Variants in B3GLCT observed in about 807,000 individuals in gnomAD.
The protein encoded by B3GLCT is beta-1,3-glucosyltransferase.
A neutral mutation model predicts 63.4 loss-of-function variants in B3GLCT; 65 were observed. The ratio of observed to expected loss-of-function variants is 1.03; its 90% confidence interval spans 0.84 to 1.26. The LOEUF is 1.26. Ranked by LOEUF, B3GLCT falls within the 50% of genes most tolerant of loss-of-function variation. The pLI is 0.00. For missense variants in B3GLCT, 577 were observed against 604.8 expected (o/e 0.95, Z 0.48); for synonymous variants, 233 against 219.2 (o/e 1.06, Z -0.55).
At chr13:31,310,773 A>T (rs569168778) in intron 12 of B3GLCT, among the ~76,000 whole-genome samples, 3 of 152,076 alleles carry the variant, frequency 2.0e-5, no homozygotes, top group Admixed American at 2.0e-4. Context: ...AAAGGGTAAC[A>T]CCCCTTGGGG....
chr13:31,258,527 A>AT, intron 6 of B3GLCT, among the ~76,000 whole-genome samples: 1 of 151,982 alleles, frequency 6.6e-6, no homozygotes, highest in Admixed American at 6.5e-5. Context: ...CACCTAAGAT[A>AT]TTTTTGCTGG....
intron 7 of B3GLCT, among the ~76,000 whole-genome samples, chr13:31,267,717 G>T (rs910772254): frequency 1.3e-5 from 2 of 152,132 alleles, no homozygotes; most frequent in African/African-American, 4.8e-5. Context: ...TCTGCTTTCT[G>T]TCTTCTTCTA....
At chr13:31,252,273 T>A (rs1223656596) in intron 6 of B3GLCT, among the ~76,000 whole-genome samples, 1 of 152,062 alleles carries the variant, frequency 6.6e-6, no homozygotes, top group Non-Finnish European at 1.5e-5. Flanking sequence ...CATACCAAAT[T>A]GTAAAGACCA....
chr13:31,216,125 G>A (rs1187864506), intron 2 of B3GLCT, among the ~76,000 whole-genome samples: 2 of 129,080 alleles, frequency 1.5e-5, no homozygotes, highest in Non-Finnish European at 3.4e-5. Flanking sequence ...TGGTGTAAAA[G>A]CATTTTTTTA....
chr13:31,210,610 CACCA>C (rs1869207036), intron 1 of B3GLCT, among the ~76,000 whole-genome samples: 1 of 152,202 alleles, frequency 6.6e-6, no homozygotes, highest in African/African-American at 2.4e-5. Context: ...CATCTCTTTG[CACCA>C]TCTCTCTTTC....
rs570983707 is a variant in B3GLCT at position 31,211,529 on chromosome 13, A to G, written c.71-3522A>G. On this transcript the variant is annotated intron_variant, in intron 1 of 14. Transcript: ENST00000343307. ...TATTATAATTTGTATCTATCATGGG[A>G]AAAAGGTATTTTAAATTTCACAGCA... Among the ~76,000 whole-genome samples, 22 of 152,054 alleles carry G rather than the reference A, an allele frequency of 1.4e-4. No homozygotes were observed. The East Asian group carries it at 3.3e-3, about 23-fold the overall frequency.
chr13:31,253,934 GA>G (rs1019038670), intron 6 of B3GLCT, among the ~76,000 whole-genome samples: 1 of 152,114 alleles, frequency 6.6e-6, no homozygotes, highest in Non-Finnish European at 1.5e-5. Flanking sequence ...AGAAAATCTA[GA>G]AAAAATGGAT....
chr13:31,204,497 T>G (rs1868842855), intron 1 of B3GLCT, among the ~76,000 whole-genome samples: 1 of 151,986 alleles, frequency 6.6e-6, no homozygotes, highest in Non-Finnish European at 1.5e-5. Flanking sequence ...GGTAAGTGGG[T>G]GGCAGAGCTT....
chr13:31,316,796 A>G (rs1245853007), intron 12 of B3GLCT, among the ~76,000 whole-genome samples: 1 of 152,096 alleles, frequency 6.6e-6, no homozygotes, highest in East Asian at 1.9e-4. Context: ...TTTCCTATAA[A>G]TTCATTGTTT....
intron 4 of B3GLCT, among the ~76,000 whole-genome samples, chr13:31,235,038 C>T (rs115034282): frequency 0.042 from 6,464 of 152,146 alleles, 152 homozygotes; most frequent in Non-Finnish European, 0.051. Context: ...TGCCCTCCAC[C>T]ACAGCAGTTT....
intron 12 of B3GLCT, among the ~76,000 whole-genome samples, chr13:31,316,552 C>G (rs1416910731): frequency 6.6e-6 from 1 of 150,876 alleles, no homozygotes; most frequent in East Asian, 2.0e-4. Context: ...AGGTTTTGCA[C>G]TTGCATGGGG....
At position 31,247,069 on chromosome 13, in the gene B3GLCT, G is replaced by T; in HGVS notation, c.317G>T (p.Gly106Val). Reference protein sequence around the residue: ...LLLHQLAKQEGAWTILPLLPH... With the variant: ...LLLHQLAKQEVAWTILPLLPH... Reference sequence around the variant, plus strand: ...CTTCATCAGCTGGCTAAACAAGAAGGTGCATGGACCATACTTCCGTTGTTA... The same window carrying T: ...CTTCATCAGCTGGCTAAACAAGAAGTTGCATGGACCATACTTCCGTTGTTA... Residue 106 changes from glycine to valine, a missense_variant, in exon 5 of 15, where the codon GGT becomes GTT. Physicochemically the swap from Gly to Val is moderately radical, Grantham distance 109. Coordinates refer to ENST00000343307, the MANE Select transcript of B3GLCT (RefSeq NM_194318.4). 6.2e-7 allele frequency: 1 copy of T among 1,613,280 alleles called. No homozygotes were observed. The highest frequency in any genetic ancestry group is 8.5e-7 in the Non-Finnish European group (1 of 1,179,816).
chr13:31,213,734 G>A lies in B3GLCT; in HGVS notation c.71-1317G>A, dbSNP rs188622400. 6.0e-5 allele frequency among the ~76,000 whole-genome samples: 9 copies of A among 149,652 alleles called. No homozygotes were observed. In the East Asian group the frequency reaches 1.2e-3, roughly 20 times the overall value. On this transcript the variant is annotated intron_variant, in intron 1 of 14. Coordinates refer to ENST00000343307, the MANE Select transcript of B3GLCT (RefSeq NM_194318.4). ...AAATATATATGTCAGTTGGTGATAAGTGCTCTGGAGAAGAGTAAAGCAGAG... is the reference window on the plus strand; with the variant it reads ...AAATATATATGTCAGTTGGTGATAAATGCTCTGGAGAAGAGTAAAGCAGAG...
rs1875853615 is a variant in B3GLCT at position 31,330,343 on chromosome 13, C to T, written c.*675C>T. On this transcript the variant is annotated 3_prime_UTR_variant, in exon 15 of 15. Coordinates refer to ENST00000343307, the MANE Select transcript of B3GLCT (RefSeq NM_194318.4). ...GGTCTTCTGCTAGAGCTTCGTATTG[C>T]TTTGGAAGTTCATCTGTGTTTTATT... The T allele has an allele frequency of 6.6e-6, 1 of 152,120 alleles. No homozygotes were observed. 9.4% of individuals were successfully genotyped at this position (152,120 alleles called of 1,614,324 possible). A position where few individuals can be genotyped will look rare whatever the true frequency, so the allele number is the denominator to read the frequency against.
chr13:31,321,189 A>G (rs1267492167), intron 13 of B3GLCT, among the ~76,000 whole-genome samples: 2 of 152,262 alleles, frequency 1.3e-5, no homozygotes, highest in East Asian at 3.8e-4. Context: ...TATAGCTAAC[A>G]TTGACCAATG....
chr13:31,218,645 G>A (rs1320604628), intron 2 of B3GLCT, among the ~76,000 whole-genome samples: 1 of 152,188 alleles, frequency 6.6e-6, no homozygotes, highest in African/African-American at 2.4e-5. Context: ...TCTGTGAAGA[G>A]AGACACTTTG....
intron 12 of B3GLCT, among the ~76,000 whole-genome samples, chr13:31,289,193 A>G (rs187536856): frequency 6.6e-6 from 1 of 152,202 alleles, no homozygotes; most frequent in East Asian, 1.9e-4. Context: ...ATTCAGCCAC[A>G]CAAAAATAAG....
rs916457678 is a variant in B3GLCT, at chr13:31,318,019, C to T, written c.1184+334C>T. 5.9e-5 allele frequency among the ~76,000 whole-genome samples: 9 copies of T among 151,516 alleles called. No individual in the cohort carries two copies. In the East Asian group the frequency reaches 1.7e-3, roughly 29 times the overall value. ...ATAGATTTTAATCTCAGAGAATAAG[C>T]CATTAGACTATTAAATTATGTAATG... On this transcript the variant is annotated intron_variant, in intron 13 of 14. Transcript: ENST00000343307.
At chr13:31,287,808 A>C (rs1363150316) in intron 12 of B3GLCT, among the ~76,000 whole-genome samples, 1 of 152,236 alleles carries the variant, frequency 6.6e-6, no homozygotes, top group Non-Finnish European at 1.5e-5. Flanking sequence ...TTAGTCTTAA[A>C]TAAGTTTAAA....
Sources: allele counts gnomAD v4.1 joint callset (sites outside exome capture counted in the v4.1 genomes callset), GRCh38; gene constraint gnomAD v4.1.1; transcripts MANE v1.5; gene names NCBI Gene and HGNC (gene_info 2026-07-23, HGNC 2026-07-21).